The following GPC6 variants were observed in gnomAD, a reference collection of about 807,000 sequenced individuals.
GPC6 encodes glypican 6, also known as glypican-6.
A neutral mutation model predicts 55.2 loss-of-function variants in GPC6; 14 were observed. That is an observed-to-expected ratio of 0.25 (90% confidence interval 0.17 to 0.40). The LOEUF is 0.40. Among genes scored for constraint, GPC6 ranks in the 10% least tolerant of loss-of-function variants. The pLI, the probability that GPC6 is intolerant of heterozygous loss-of-function variation, is 1.00. For missense variants in GPC6, 641 were observed against 708.5 expected (o/e 0.90, Z 1.08); for synonymous variants, 278 against 259.6 (o/e 1.07, Z -0.68).
At chr13:93,721,356 A>G (rs2138823241) in intron 2 of GPC6, among the ~76,000 whole-genome samples, 1 of 151,906 alleles carries the variant, frequency 6.6e-6, no homozygotes. Flanking sequence ...GAAAACAACT[A>G]TTATTATTAA....
chr13:94,124,003 T>C (rs1886723817), intron 4 of GPC6, among the ~76,000 whole-genome samples: 1 of 152,024 alleles, frequency 6.6e-6, no homozygotes. Context: ...CTGAAGTAAA[T>C]AAGATACACT....
rs560202428 is a variant in GPC6 at position 94,284,220 on chromosome 13, T to C, written c.878-2129T>C. On this transcript the variant is annotated intron_variant, in intron 4 of 8. Transcript: ENST00000377047. Reference sequence around the variant, plus strand: ...GGGTCAAAGAAGAGCCACCATTCACTATGAGGCCTTTTCCAAGTCCCAGGG... The same window carrying C: ...GGGTCAAAGAAGAGCCACCATTCACCATGAGGCCTTTTCCAAGTCCCAGGG... Among the ~76,000 whole-genome samples the C allele has an allele frequency of 8.2e-4, 125 of 152,310 alleles. 1 individual carries two copies. The highest frequency in any genetic ancestry group is 2.9e-3 in the African/African-American group (121 of 41,564).
At chr13:93,789,419 G>A (rs2138919117) in intron 2 of GPC6, among the ~76,000 whole-genome samples, 1 of 148,486 alleles carries the variant, frequency 6.7e-6, no homozygotes, top group East Asian at 2.0e-4. Context: ...TATCATTACA[G>A]TAGAGGACTT....
At chr13:94,068,264 T>C (rs928198163) in intron 4 of GPC6, among the ~76,000 whole-genome samples, 1 of 151,630 alleles carries the variant, frequency 6.6e-6, no homozygotes, top group Non-Finnish European at 1.5e-5. Flanking sequence ...CTCCAGTTTT[T>C]AAAACCATCA....
chr13:93,966,715 A>G (rs1402088277), intron 3 of GPC6, among the ~76,000 whole-genome samples: 2 of 140,418 alleles, frequency 1.4e-5, no homozygotes, highest in African/African-American at 5.4e-5. Flanking sequence ...CAGTGGCATG[A>G]TCATGGCTCA....
At chr13:94,270,902 G>C (rs1891974885) in intron 4 of GPC6, among the ~76,000 whole-genome samples, 1 of 149,708 alleles carries the variant, frequency 6.7e-6, no homozygotes, top group African/African-American at 2.5e-5. Context: ...GCTGGCTGCA[G>C]TTCCCAGGGG....
chr13:93,772,997 C>A (rs183142060), intron 2 of GPC6, among the ~76,000 whole-genome samples: 1 of 152,014 alleles, frequency 6.6e-6, no homozygotes, highest in Admixed American at 6.6e-5. Flanking sequence ...ACCATGTTCC[C>A]GGTGGGACAT....
intron 1 of GPC6, among the ~76,000 whole-genome samples, chr13:93,371,876 T>C (rs1228147996): frequency 6.6e-6 from 1 of 152,154 alleles, no homozygotes; most frequent in Non-Finnish European, 1.5e-5. Flanking sequence ...ATAGAATTCA[T>C]TGTTAGCCTT....
intron 1 of GPC6, among the ~76,000 whole-genome samples, chr13:93,444,586 G>A (rs9524068): frequency 0.37 from 55,906 of 152,040 alleles, 10,840 homozygotes; most frequent in East Asian, 0.63. Context: ...CAGCCTGGGT[G>A]ACAGAGCAAG....
At chr13:93,376,900 A>G (rs2139198754) in intron 1 of GPC6, among the ~76,000 whole-genome samples, 2 of 152,244 alleles carry the variant, frequency 1.3e-5, no homozygotes. Context: ...TCATTCGTGA[A>G]TGCTTATATT....
At chr13:93,710,526 T>C (rs1883017772) in intron 2 of GPC6, among the ~76,000 whole-genome samples, 1 of 151,840 alleles carries the variant, frequency 6.6e-6, no homozygotes, top group African/African-American at 2.4e-5. Flanking sequence ...AACACAATGG[T>C]GTTCCAAGAA....
intron 1 of GPC6, among the ~76,000 whole-genome samples, chr13:93,396,077 A>C (rs1875844456): frequency 6.6e-6 from 1 of 152,132 alleles, no homozygotes; most frequent in Non-Finnish European, 1.5e-5. Flanking sequence ...GGTGAACTTG[A>C]CCTACTGGTA....
At chr13:93,789,033 G>A (rs1463894736) in intron 2 of GPC6, among the ~76,000 whole-genome samples, 1 of 152,088 alleles carries the variant, frequency 6.6e-6, no homozygotes, top group African/African-American at 2.4e-5. Context: ...TGCACCCATA[G>A]CATTTCTAGT....
intron 1 of GPC6, among the ~76,000 whole-genome samples, chr13:93,290,513 G>C (rs1878283878): frequency 6.6e-6 from 1 of 152,114 alleles, no homozygotes; most frequent in Non-Finnish European, 1.5e-5. Flanking sequence ...TACTCACTCT[G>C]CAGTTACTCA....
intron 4 of GPC6, among the ~76,000 whole-genome samples, chr13:94,107,091 G>A (rs930103791): frequency 3.3e-5 from 5 of 152,174 alleles, no homozygotes; most frequent in African/African-American, 1.2e-4. Context: ...GCAGTTGAAA[G>A]GGTGCACCGT....
At position 94,218,437 on chromosome 13, in the gene GPC6, T is replaced by TG. The variant is rs1215293377; in HGVS notation, c.878-67908dup. On this transcript the variant is annotated intron_variant, in intron 4 of 8. Transcript: ENST00000377047. The stretch of plus-strand genomic sequence containing the variant: ...AGAGGTAAAAATGGCAGGGTTTGTT[T>TG]GGGGCTATCAAGACATCACTTCTTT... Among the ~76,000 whole-genome samples, 3 of 152,320 alleles carry TG rather than the reference T, an allele frequency of 2.0e-5. No homozygotes were observed. The East Asian group carries it at 5.8e-4, about 29-fold the overall frequency.
At chr13:94,060,361 G>A (rs1031487418) in intron 4 of GPC6, among the ~76,000 whole-genome samples, 3 of 152,142 alleles carry the variant, frequency 2.0e-5, no homozygotes, top group African/African-American at 7.2e-5. Context: ...TCTTTGTTGT[G>A]TTCCCTGATA....
intron 1 of GPC6, among the ~76,000 whole-genome samples, chr13:93,326,371 T>C (rs1453949793): frequency 6.6e-6 from 1 of 152,134 alleles, no homozygotes; most frequent in Non-Finnish European, 1.5e-5. Flanking sequence ...TGCTGGTCCA[T>C]GGGTCATACT....
intron 1 of GPC6, among the ~76,000 whole-genome samples, chr13:93,521,819 T>A (rs1034731977): frequency 6.6e-6 from 1 of 152,002 alleles, no homozygotes; most frequent in Non-Finnish European, 1.5e-5. Context: ...TTCAGGTAGC[T>A]TTTAATGATG....
Sources: gnomAD v4.1 joint callset for allele counts (sites outside exome capture counted in the v4.1 genomes callset) on GRCh38, gnomAD v4.1.1 for gene constraint, MANE v1.5 for transcripts, NCBI Gene and HGNC (gene_info 2026-07-23, HGNC 2026-07-21) for gene names.